Variants in MTSS1 observed in about 807,000 individuals in gnomAD.
MTSS1 encodes MTSS I-BAR domain containing 1.
Under a neutral mutation model 79.0 loss-of-function variants are expected in MTSS1, and 18 were observed. The ratio of observed to expected loss-of-function variants is 0.23; its 90% CI spans 0.16 to 0.34. MTSS1 has a LOEUF of 0.34. Ranked by LOEUF, MTSS1 falls within the 10% of genes least tolerant of loss-of-function variation. The pLI is 1.00. For missense variants in MTSS1, 815 were observed against 986.2 expected (o/e 0.83, Z 2.33); for synonymous variants, 341 against 368.6 (o/e 0.93, Z 0.86).
chr8:124,580,503 AG>A, intron 6 of MTSS1: 1 of 1,534,670 alleles, frequency 6.5e-7, no homozygotes, highest in East Asian at 2.4e-5. Flanking sequence ...GCCCACAGCA[AG>A]GACCACACCG....
Position 124,686,261 on chromosome 8 carries a change from C to T in MTSS1, c.208+13265G>A, listed in dbSNP as rs545447887. 1.1e-4 allele frequency among the ~76,000 whole-genome samples: 16 copies of T among 152,224 alleles called. No individual in the cohort carries two copies. In the South Asian group the frequency reaches 1.9e-3, roughly 18 times the overall value. On this transcript the variant is annotated intron_variant, in intron 3 of 13. Transcript: ENST00000518547. ...AGCCCTCTCTCCATCACGCAGGGAG[C>T]GCAACACGAACGGGAACTCAAGCGC... is the stretch of plus-strand genomic sequence containing the variant.
intron 3 of MTSS1, among the ~76,000 whole-genome samples, chr8:124,639,171 T>C (rs186215576): frequency 6.6e-6 from 1 of 152,164 alleles, no homozygotes; most frequent in Admixed American, 6.5e-5. Context: ...ACCCCATCTC[T>C]ACTAAAAATA....
chr8:124,665,047 A>AT lies in MTSS1; in HGVS notation c.208+34478dup, dbSNP rs530518389. On this transcript the variant is annotated intron_variant, in intron 3 of 13. Coordinates refer to ENST00000518547, the MANE Select transcript of MTSS1 (RefSeq NM_014751.6). Reference sequence around the variant, plus strand: ...AGTTCTTGGATTTGAGGAAATAAGCATTTTTTTTATCCCCATCTTATTCAT... The same window carrying AT: ...AGTTCTTGGATTTGAGGAAATAAGCATTTTTTTTTATCCCCATCTTATTCAT... 6.6e-5 allele frequency among the ~76,000 whole-genome samples: 10 copies of AT among 152,016 alleles called. 1 individual carries two copies. The South Asian group carries it at 1.9e-3, about 28-fold the overall frequency.
intron 8 of MTSS1, among the ~76,000 whole-genome samples, chr8:124,566,453 A>G (rs1406532172): frequency 6.6e-6 from 1 of 152,202 alleles, no homozygotes; most frequent in Non-Finnish European, 1.5e-5. Context: ...AGGAGACGAA[A>G]AGATTGTTAC....
At chr8:124,567,300 G>A in intron 7 of MTSS1, 122 bp from the exon 8 acceptor site, 1 of 816,730 alleles carries the variant, frequency 1.2e-6, no homozygotes, top group Admixed American at 2.8e-5. Flanking sequence ...AGGCACTGTT[G>A]GGACTGGCAA....
At chr8:124,629,516 A>G (rs1330136074) in intron 3 of MTSS1, among the ~76,000 whole-genome samples, 2 of 151,244 alleles carry the variant, frequency 1.3e-5, no homozygotes, top group Non-Finnish European at 1.5e-5. Context: ...AAAAAAAAAA[A>G]AAAAAAAAAA....
intron 6 of MTSS1, among the ~76,000 whole-genome samples, chr8:124,571,677 C>T (rs1176051265): frequency 6.6e-6 from 1 of 152,150 alleles, no homozygotes; most frequent in Non-Finnish European, 1.5e-5. Flanking sequence ...AAAATAACAG[C>T]CTATGAGGCC....
chr8:124,678,970 C>T (rs572141794), intron 3 of MTSS1, among the ~76,000 whole-genome samples: 1 of 152,350 alleles, frequency 6.6e-6, no homozygotes, highest in Non-Finnish European at 1.5e-5. Context: ...CCACTTTAAC[C>T]TGTAAGTCTG....
intron 3 of MTSS1, among the ~76,000 whole-genome samples, chr8:124,648,589 C>CT (rs1030088530): frequency 2.6e-5 from 4 of 152,090 alleles, no homozygotes; most frequent in Non-Finnish European, 5.9e-5. Flanking sequence ...CTTGGAAAGG[C>CT]TTGGGGGTCT....
intron 3 of MTSS1, among the ~76,000 whole-genome samples, chr8:124,634,564 T>C (rs183694872): frequency 6.6e-6 from 1 of 152,340 alleles, no homozygotes; most frequent in Admixed American, 6.5e-5. Flanking sequence ...GATTTGATTT[T>C]GGTCTGTCAC....
At chr8:124,719,784 T>C (rs1832638596) in intron 1 of MTSS1, among the ~76,000 whole-genome samples, 1 of 152,252 alleles carries the variant, frequency 6.6e-6, no homozygotes, top group African/African-American at 2.4e-5. Flanking sequence ...CAGGAATTAC[T>C]AGGGTGGCTC....
At chr8:124,677,391 T>A (rs1825483900) in intron 3 of MTSS1, among the ~76,000 whole-genome samples, 1 of 152,218 alleles carries the variant, frequency 6.6e-6, no homozygotes, top group South Asian at 2.1e-4. Context: ...CCCTTTGGTC[T>A]CTGCTGTGAC....
intron 4 of MTSS1, 45 bp downstream of exon 4, chr8:124,591,106 A>C: frequency 6.5e-7 from 1 of 1,527,934 alleles, no homozygotes; most frequent in Non-Finnish European, 9.1e-7. Flanking sequence ...CTTAACCTGA[A>C]ATCTGCAAGG....
At chr8:124,586,305 T>C (rs534026273) in intron 5 of MTSS1, among the ~76,000 whole-genome samples, 27 of 152,318 alleles carry the variant, frequency 1.8e-4, no homozygotes, top group African/African-American at 6.3e-4. Flanking sequence ...CTCTCCACTC[T>C]TTTCTGGCCA....
intron 3 of MTSS1, among the ~76,000 whole-genome samples, chr8:124,612,039 G>A (rs1835909593): frequency 6.6e-6 from 1 of 152,170 alleles, no homozygotes; most frequent in Non-Finnish European, 1.5e-5. Context: ...CTCATTTGGG[G>A]AAGAACCTAG....
At chr8:124,686,472 C>T (rs1827006330) in intron 3 of MTSS1, among the ~76,000 whole-genome samples, 1 of 152,022 alleles carries the variant, frequency 6.6e-6, no homozygotes, top group African/African-American at 2.4e-5. Flanking sequence ...TCAGATGAAA[C>T]AATGCATGGA....
intron 3 of MTSS1, among the ~76,000 whole-genome samples, chr8:124,626,322 GC>G (rs1814652596): frequency 6.6e-6 from 1 of 152,086 alleles, no homozygotes; most frequent in African/African-American, 2.4e-5. Flanking sequence ...CAGCTTTTCT[GC>G]CAGGATGCTT....
At chr8:124,602,207 A>ATATATATATATATATATATATATATATAT in intron 3 of MTSS1, among the ~76,000 whole-genome samples, 4 of 142,224 alleles carry the variant, frequency 2.8e-5, no homozygotes, top group African/African-American at 8.2e-5. Flanking sequence ...ATATATATAT[A>ATATATATATATATATATATATATATATAT]ATTTTTTTTT....
At chr8:124,636,966 G>T (rs1817120063) in intron 3 of MTSS1, among the ~76,000 whole-genome samples, 1 of 152,176 alleles carries the variant, frequency 6.6e-6, no homozygotes, top group Non-Finnish European at 1.5e-5. Context: ...GAACTAAGAG[G>T]GGATTTTCCT....
Sources: allele counts gnomAD v4.1 joint callset (sites outside exome capture counted in the v4.1 genomes callset), GRCh38; gene constraint gnomAD v4.1.1; transcripts MANE v1.5; gene names NCBI Gene and HGNC (gene_info 2026-07-23, HGNC 2026-07-21).